Variants in PDS5B observed in about 807,000 individuals in gnomAD.
The protein encoded by PDS5B is PDS5 cohesin associated factor B.
Under a neutral mutation model 184.1 loss-of-function variants are expected in PDS5B, and 51 were observed. The ratio of observed to expected loss-of-function variants is 0.28; its 90% CI spans 0.22 to 0.35. The LOEUF (loss-of-function observed/expected upper bound fraction) is 0.35. PDS5B is among the 10% of genes least tolerant of loss of function. The pLI, the probability that PDS5B is intolerant of heterozygous loss-of-function variation, is 1.00. For missense variants in PDS5B, 1,180 were observed against 1,723.3 expected (o/e 0.68, Z 5.58); for synonymous variants, 566 against 569.2 (o/e 0.99, Z 0.08).
In PDS5B at chr13:32,745,953, A is replaced by G. The variant is rs1258170967; in HGVS notation, c.2613-24A>G. ...GTACAAATATTTTAAATGCTAATCT[A>G]TATTCATTCTACTCATTTTTCAGTA... On this transcript the variant is annotated intron_variant, in intron 23 of 34. Coordinates refer to ENST00000315596, the MANE Select transcript of PDS5B (RefSeq NM_015032.4). 8 of 1,576,560 alleles carry G rather than the reference A, an allele frequency of 5.1e-6. No homozygotes were observed. The South Asian group carries it at 5.6e-5, about 11-fold the overall frequency.
chr13:32,673,303 A>G lies in PDS5B; in HGVS notation c.793A>G (p.Ile265Val). The G allele has an allele frequency of 6.2e-7, 1 of 1,613,030 alleles. No individual in the cohort carries two copies. The highest frequency in any genetic ancestry group is 8.5e-7 in the Non-Finnish European group (1 of 1,179,296). Residue 265 changes from isoleucine to valine, a missense_variant, in exon 8 of 35, where the codon ATT (isoleucine) becomes GTT (valine). Ile to Val is a conservative substitution (Grantham distance 29). Transcript: ENST00000315596. ...TGACTTAATTTTGGAGCTCTACAAT[A>G]TTGATAGTCATTTGCTGCTCTCTGT... ...VFDLILELYN[I>V]DSHLLLSVLP...
intron 17 of PDS5B, among the ~76,000 whole-genome samples, chr13:32,704,175 CTT>C (rs764820960): frequency 7.6e-5 from 11 of 144,038 alleles, no homozygotes; most frequent in Non-Finnish European, 7.7e-5. Context: ...GAGACTTAGT[CTT>C]TTTTTTTTTT....
At chr13:32,660,863 G>A (rs1036806229) in intron 6 of PDS5B, among the ~76,000 whole-genome samples, 8 of 152,028 alleles carry the variant, frequency 5.3e-5, no homozygotes, top group East Asian at 3.9e-4. Context: ...TCAATCTTTT[G>A]CTTAGTCCAT....
chr13:32,598,435 T>C (rs565062420), intron 1 of PDS5B, among the ~76,000 whole-genome samples: 4 of 152,278 alleles, frequency 2.6e-5, no homozygotes, highest in Admixed American at 6.5e-5. Flanking sequence ...CTCTCCTTTT[T>C]GGTATTTATT....
At chr13:32,592,051 G>C (rs554147739) in intron 1 of PDS5B, among the ~76,000 whole-genome samples, 4 of 152,252 alleles carry the variant, frequency 2.6e-5, no homozygotes, top group African/African-American at 4.8e-5. Flanking sequence ...GGAGATTTGA[G>C]AGTCAGGGCA....
chr13:32,677,248 A>G (rs2140779919), intron 9 of PDS5B, among the ~76,000 whole-genome samples: 1 of 152,138 alleles, frequency 6.6e-6, no homozygotes, highest in African/African-American at 2.4e-5. Flanking sequence ...GTAGGAAAGA[A>G]TATCAGTTTA....
In PDS5B at chr13:32,758,796, A is replaced by G. The variant is rs1954275419; in HGVS notation, c.3309+143A>G. The G allele has an allele frequency of 4.0e-6, 3 of 755,404 alleles. No homozygotes were observed. The East Asian group carries it at 7.5e-5, about 19-fold the overall frequency. The allele number at this position is 755,404 out of a possible 1,614,324, so 46.8% of individuals were successfully genotyped here. A position where few individuals can be genotyped will look rare whatever the true frequency, so the allele number is the denominator to read the frequency against. On this transcript the variant is annotated intron_variant, in intron 28 of 34. Coordinates refer to ENST00000315596, the MANE Select transcript of PDS5B (RefSeq NM_015032.4). ...AAGATCAGAACCAGAATATGAGTCAAACTGGAGGACACACATAAGGTTCAG... is the reference window on the plus strand; with the variant it reads ...AAGATCAGAACCAGAATATGAGTCAGACTGGAGGACACACATAAGGTTCAG...
chr13:32,762,891 A>C (rs1954457567), intron 30 of PDS5B, among the ~76,000 whole-genome samples: 1 of 152,168 alleles, frequency 6.6e-6, no homozygotes, highest in South Asian at 2.1e-4. Context: ...TTCATTGCTC[A>C]GAGATCTTAA....
intron 17 of PDS5B, 116 bp downstream of exon 17, chr13:32,701,554 T>A: frequency 1.6e-6 from 1 of 611,020 alleles, no homozygotes; most frequent in Non-Finnish European, 3.0e-6. Context: ...TATTGTGTAC[T>A]CCTCTGTATA....
intron 9 of PDS5B, among the ~76,000 whole-genome samples, chr13:32,676,963 A>G (rs1566314821): frequency 6.6e-6 from 1 of 150,694 alleles, no homozygotes; most frequent in Non-Finnish European, 1.5e-5. Flanking sequence ...AAAAGATTTA[A>G]AGGCCCTGAT....
chr13:32,755,456 G>C (rs994881980), intron 25 of PDS5B, among the ~76,000 whole-genome samples: 2 of 152,190 alleles, frequency 1.3e-5, no homozygotes, highest in East Asian at 3.9e-4. Flanking sequence ...TTACAAGAGA[G>C]TGTTAAACAT....
chr13:32,774,995 A>C (rs780680062), intron 34 of PDS5B, 22 bp from the exon 35 acceptor site: 2 of 1,609,456 alleles, frequency 1.2e-6, no homozygotes, highest in African/African-American at 2.7e-5. Flanking sequence ...TTAATTAAGC[A>C]TCTGGTGACT....
At chr13:32,681,389 G>A (rs555808471) in intron 10 of PDS5B, among the ~76,000 whole-genome samples, 20 of 152,222 alleles carry the variant, frequency 1.3e-4, no homozygotes, top group Admixed American at 6.5e-4. Flanking sequence ...TTGGGAGGCC[G>A]AGGCGGGCAG....
intron 1 of PDS5B, among the ~76,000 whole-genome samples, chr13:32,621,241 A>G (rs2058297140): frequency 6.6e-6 from 1 of 152,230 alleles, no homozygotes; most frequent in Non-Finnish European, 1.5e-5. Context: ...AGGCAGACAG[A>G]TCACTTGAGC....
chr13:32,650,630 A>G (rs1950344875), intron 2 of PDS5B: 1 of 152,178 alleles, frequency 6.6e-6, no homozygotes, highest in Non-Finnish European at 1.5e-5. Context: ...ATAAATCTTA[A>G]AAGTAATAAA....
chr13:32,664,660 T>C (rs1171770147), intron 6 of PDS5B, among the ~76,000 whole-genome samples: 5 of 152,002 alleles, frequency 3.3e-5, no homozygotes, highest in African/African-American at 1.2e-4. Flanking sequence ...GCTCAGGAGT[T>C]TGAGACCAGC....
Position 32,659,156 on chromosome 13 carries a change from A to T in PDS5B, c.500A>T (p.Asn167Ile). 1 of 1,545,792 alleles carries T rather than the reference A, an allele frequency of 6.5e-7. No individual in the cohort carries two copies. Among genetic ancestry groups the T allele is most frequent in the Non-Finnish European group, 8.8e-7 (1 of 1,136,710 alleles). Reference protein sequence around the residue: ...LYRTLFSVINNGHNQKVHMHM... With the variant: ...LYRTLFSVINIGHNQKVHMHM... ...ACAAAATCTGTTTTGAATTGCAGCA[A>T]TGGCCACAATCAGAAAGTCCATATG... Residue 167 changes from asparagine to isoleucine, a missense_variant and splice_region_variant, in exon 6 of 35, where the codon AAT becomes ATT. Asn to Ile is a moderately radical substitution (Grantham distance 149). Coordinates refer to ENST00000315596, the MANE Select transcript of PDS5B (RefSeq NM_015032.4).
intron 25 of PDS5B, among the ~76,000 whole-genome samples, chr13:32,754,133 A>G (rs1303991806): frequency 6.6e-6 from 1 of 152,082 alleles, no homozygotes; most frequent in Admixed American, 6.5e-5. Flanking sequence ...CTACTCTCCT[A>G]CCTTGCTATA....
chr13:32,653,307 T>A (rs1268349340), intron 3 of PDS5B, among the ~76,000 whole-genome samples: 2 of 152,048 alleles, frequency 1.3e-5, no homozygotes, highest in Non-Finnish European at 2.9e-5. Context: ...AAAAAAAAGA[T>A]AATTGTGGAA....
Sources: allele counts gnomAD v4.1 joint callset (sites outside exome capture counted in the v4.1 genomes callset), GRCh38; gene constraint gnomAD v4.1.1; transcripts MANE v1.5; gene names NCBI Gene and HGNC (gene_info 2026-07-23, HGNC 2026-07-21).